The following SF3B3 variants were observed in gnomAD, a reference collection of about 807,000 sequenced individuals.
The protein encoded by SF3B3 is SAP 130.
In SF3B3, 33 loss-of-function variants were observed where a neutral mutation model predicts 139.2. The ratio of observed to expected loss-of-function variants is 0.24; its 90% CI spans 0.18 to 0.32. The LOEUF (loss-of-function observed/expected upper bound fraction) is 0.32. Ranked by LOEUF, SF3B3 falls within the 10% of genes least tolerant of loss-of-function variation. The pLI is 1.00. For missense variants in SF3B3, 818 were observed against 1,509.4 expected (o/e 0.54, Z 7.59); for synonymous variants, 596 against 563.6 (o/e 1.06, Z -0.81).
At chr16:70,570,202 C>A in intron 24 of SF3B3, 53 bp downstream of exon 24, 2 of 1,566,638 alleles carry the variant, frequency 1.3e-6, no homozygotes, top group Non-Finnish European at 1.8e-6. Flanking sequence ...TTTCTTGGTG[C>A]TGGATCTACC....
At chr16:70,571,067 G>T (rs368357983) in intron 24 of SF3B3, 28 bp from the exon 25 acceptor site, 13 of 1,532,838 alleles carry the variant, frequency 8.5e-6, no homozygotes, top group Non-Finnish European at 1.2e-5. Context: ...TCACTTCTCA[G>T]TGACAGATTT....
intron 23 of SF3B3, 135 bp from the exon 24 acceptor site, chr16:70,569,871 C>T (rs111649341): frequency 2.3e-5 from 22 of 940,702 alleles, no homozygotes; most frequent in African/African-American, 1.5e-4. Flanking sequence ...AAGCAATCCT[C>T]CCACGTTGGC....
intron 10 of SF3B3, among the ~76,000 whole-genome samples, chr16:70,545,054 A>T (rs1199814787): frequency 6.6e-6 from 1 of 152,018 alleles, no homozygotes; most frequent in Non-Finnish European, 1.5e-5. Context: ...TAAATAGCAT[A>T]CTTTTTATTT....
intron 8 of SF3B3, among the ~76,000 whole-genome samples, chr16:70,540,153 G>A (rs910137595): frequency 1.4e-5 from 2 of 147,756 alleles, no homozygotes; most frequent in Admixed American, 6.7e-5. Flanking sequence ...CAAGCACTTT[G>A]GGAGGTTGAG....
chr16:70,576,319 C>G lies in SF3B3; in HGVS notation c.*4506C>G, dbSNP rs1208190381. On this transcript the variant is annotated 3_prime_UTR_variant, in exon 26 of 26. Coordinates refer to ENST00000302516, the MANE Select transcript of SF3B3 (RefSeq NM_012426.5). ...GCCCCACCCTACCCCACCCCACCCC[C>G]GTATGCAGCATCTCTGGCGGTGCCC... 1 of 150,880 alleles carries G rather than the reference C, an allele frequency of 6.6e-6. No homozygotes were observed. The highest frequency in any genetic ancestry group is 6.6e-5 in the Admixed American group (1 of 15,166). The allele number at this position is 150,880 out of a possible 1,614,324, so 9.3% of individuals were successfully genotyped here.
intron 6 of SF3B3, chr16:70,537,872 G>A (rs548548606): frequency 7.8e-5 from 28 of 359,412 alleles, no homozygotes; most frequent in South Asian, 5.6e-4. Context: ...CCAGGAGTTA[G>A]AGACCAGTCT....
At chr16:70,547,987 T>C (rs1433946430) in intron 10 of SF3B3, among the ~76,000 whole-genome samples, 1 of 152,158 alleles carries the variant, frequency 6.6e-6, no homozygotes, top group African/African-American at 2.4e-5. Flanking sequence ...GGCATTTGAA[T>C]TGGTCCACAT....
intron 5 of SF3B3, among the ~76,000 whole-genome samples, chr16:70,534,673 T>G (rs1210453520): frequency 6.6e-6 from 1 of 152,154 alleles, no homozygotes; most frequent in Non-Finnish European, 1.5e-5. Flanking sequence ...TTTATTTTAT[T>G]TATTTACGTT....
rs751741806 is a variant in SF3B3 at position 70,544,489 on chromosome 16, A to G, written c.1285A>G (p.Arg429Gly). The change falls in exon 10 of 26, where the codon AGG becomes GGG. Residue 429 changes from arginine (R) to glycine (G), a missense_variant. Arg to Gly is a moderately radical substitution (Grantham distance 125). This residue lies in a region of SF3B3 where 31 missense variants were observed against 77.3 expected (regional missense o/e 0.40). Transcript: ENST00000302516. ...TCCACAGTTGTATGTGGCCTGTGGT[A>G]GGGGACCCCGATCATCTCTGAGAGT... ...DTPQLYVACG[R>G]GPRSSLRVLR... The G allele has an allele frequency of 6.2e-6, 10 of 1,613,002 alleles. No homozygotes were observed. In the Admixed American group the frequency reaches 1.7e-4, roughly 27 times the overall value.
intron 9 of SF3B3, among the ~76,000 whole-genome samples, chr16:70,542,348 A>G (rs551117844): frequency 1.3e-5 from 2 of 152,360 alleles, no homozygotes; most frequent in African/African-American, 4.8e-5. Context: ...TTCCTCTTTA[A>G]AATAGTTCTG....
chr16:70,532,650 C>G (rs2050132694), intron 5 of SF3B3, 30 bp downstream of exon 5: 2 of 1,609,138 alleles, frequency 1.2e-6, no homozygotes, highest in East Asian at 2.2e-5. Context: ...GCTTTGTACC[C>G]TTTTACTTGG....
At position 70,572,437 on chromosome 16, in the gene SF3B3, C is replaced by T; in HGVS notation, c.*624C>T. 1 of 193,732 alleles carries T rather than the reference C, an allele frequency of 5.2e-6. No individual in the cohort carries two copies. The highest frequency in any genetic ancestry group is 1.1e-5 in the Non-Finnish European group (1 of 94,758). 12.0% of individuals were successfully genotyped at this position (193,732 alleles called of 1,614,324 possible). A position where few individuals can be genotyped will look rare whatever the true frequency, so the allele number is the denominator to read the frequency against. On this transcript the variant is annotated 3_prime_UTR_variant, in exon 26 of 26. Transcript: ENST00000302516. ...GCGGCACTCTGTGGCTCCCCACCCC[C>T]AGGTCTGTGGTGGTTTCTTTGTTTT... is the stretch of plus-strand genomic sequence containing the variant.
chr16:70,558,003 C>T (rs751984484), intron 15 of SF3B3, among the ~76,000 whole-genome samples: 3 of 152,142 alleles, frequency 2.0e-5, no homozygotes, highest in East Asian at 1.9e-4. Context: ...TAGCAGTCTA[C>T]GCTTTTTCCA....
Position 70,523,867 on chromosome 16 carries a change from G to T in SF3B3, c.-132G>T, listed in dbSNP as rs186922156. ...ACGCCAGTATGTTGGAGTTGGTGGT[G>T]GCTTAAGTTTTGAAGGGAGGTAGCA... On this transcript the variant is annotated 5_prime_UTR_variant, in exon 1 of 26. Transcript: ENST00000302516. The T allele has an allele frequency of 2.7e-4, 132 of 494,672 alleles. 2 individuals carry two copies. The highest frequency in any genetic ancestry group is 1.5e-3 in the South Asian group (42 of 28,270). 30.6% of individuals were successfully genotyped at this position (494,672 alleles called of 1,614,324 possible). A position where few individuals can be genotyped will look rare whatever the true frequency, so the allele number is the denominator to read the frequency against.
chr16:70,535,630 TA>T (rs776311333), intron 6 of SF3B3, among the ~76,000 whole-genome samples: 2 of 152,206 alleles, frequency 1.3e-5, no homozygotes, highest in Non-Finnish European at 2.9e-5. Flanking sequence ...GAATTAAAAC[TA>T]ATCTAATTTC....
intron 15 of SF3B3, among the ~76,000 whole-genome samples, chr16:70,558,862 G>T (rs887227703): frequency 1.3e-5 from 2 of 152,234 alleles, no homozygotes; most frequent in Non-Finnish European, 1.5e-5. Context: ...CTCCCAAAGG[G>T]CTGGGATTAC....
rs2050467540 is a variant in SF3B3 at position 70,565,537 on chromosome 16, C to T, written c.2826+13C>T. 6.2e-7 allele frequency: 1 copy of T among 1,605,170 alleles called. No individual in the cohort carries two copies. Among genetic ancestry groups the T allele is most frequent in the East Asian group, 2.2e-5 (1 of 44,688 alleles). On this transcript the variant is annotated intron_variant, in intron 20 of 25. Transcript: ENST00000302516. ...GTTTTTGCACAAGGTAGGAATCTGCCAGTGGTTCTCCTAGATTTTAAGTCC... is the reference window on the plus strand; with the variant it reads ...GTTTTTGCACAAGGTAGGAATCTGCTAGTGGTTCTCCTAGATTTTAAGTCC...
chr16:70,544,299 A>G (rs1244332319), intron 9 of SF3B3, 139 bp from the exon 10 acceptor site: 1 of 614,054 alleles, frequency 1.6e-6, no homozygotes, highest in Admixed American at 2.9e-5. Flanking sequence ...TACAATACAG[A>G]TCATTCACCT....
intron 9 of SF3B3, 29 bp downstream of exon 9, chr16:70,541,863 A>G (rs1567414257): frequency 6.3e-7 from 1 of 1,590,922 alleles, no homozygotes; most frequent in Middle Eastern, 1.7e-4. Context: ...CCCCTTCCAC[A>G]ATAGATCTAA....
Sources: gnomAD v4.1 joint callset for allele counts (sites outside exome capture counted in the v4.1 genomes callset) on GRCh38, gnomAD v4.1.1 for gene constraint, gnomAD v4.1.1 regional missense constraint, MANE v1.5 for transcripts, NCBI Gene and HGNC (gene_info 2026-07-23, HGNC 2026-07-21) for gene names.